Variants in CLCNKA observed in about 807,000 individuals in gnomAD.
CLCNKA encodes the protein chloride channel protein ClC-Ka.
A neutral mutation model predicts 83.3 loss-of-function variants in CLCNKA; 66 were observed. That is an observed-to-expected ratio of 0.79 (90% confidence interval 0.65 to 0.97). The LOEUF is 0.97. Among genes scored for constraint, CLCNKA ranks in the 50% least tolerant of loss-of-function variants. The pLI is 0.00. For synonymous variants in CLCNKA, 357 were observed against 370.4 expected (o/e 0.96, Z 0.42); for missense variants, 806 against 888.7 (o/e 0.91, Z 1.18).
intron 14 of CLCNKA, 60 bp from the exon 15 acceptor site, chr1:16,030,400 TC>T (rs1264378896): frequency 1.3e-6 from 2 of 1,594,234 alleles, no homozygotes; most frequent in Non-Finnish European, 1.7e-6. Flanking sequence ...AGTTATTCCC[TC>T]ACATCAGGCT....
intron 12 of CLCNKA, 36 bp from the exon 13 acceptor site, chr1:16,029,695 C>T (rs780713062): frequency 2.0e-5 from 32 of 1,612,586 alleles, no homozygotes; most frequent in Non-Finnish European, 2.7e-5. Flanking sequence ...TGCCCAGCGG[C>T]CTCTAACCTC....
chr1:16,029,062 G>C (rs1309605331), intron 11 of CLCNKA, 64 bp from the exon 12 acceptor site: 1 of 1,583,794 alleles, frequency 6.3e-7, no homozygotes, highest in African/African-American at 1.4e-5. Flanking sequence ...GGCGGTGCGG[G>C]GGAGGCTGGG....
chr1:16,030,709 G>A, intron 15 of CLCNKA, 35 bp downstream of exon 15: 1 of 1,612,086 alleles, frequency 6.2e-7, no homozygotes, highest in Non-Finnish European at 8.5e-7. Context: ...ACTGAAGGGG[G>A]TCACAGTGTT....
intron 17 of CLCNKA, 53 bp downstream of exon 17, chr1:16,032,344 G>A: frequency 6.6e-7 from 1 of 1,517,994 alleles, no homozygotes; most frequent in Non-Finnish European, 9.1e-7. Flanking sequence ...CAGCAGGGAT[G>A]GGAGGGGAGG....
intron 11 of CLCNKA, 130 bp from the exon 12 acceptor site, chr1:16,028,996 G>A (rs933994368): frequency 6.6e-7 from 1 of 1,516,082 alleles, no homozygotes. Flanking sequence ...GGAGGTCAGA[G>A]CCCTGCCCAA....
chr1:16,022,635 G>A lies in CLCNKA; in HGVS notation c.16G>A (p.Gly6Arg). The A allele has an allele frequency of 6.4e-7, 1 of 1,567,356 alleles. No individual in the cohort carries two copies. Among genetic ancestry groups the A allele is most frequent in the Non-Finnish European group, 8.7e-7 (1 of 1,155,706 alleles). The change falls in exon 2 of 20, where the codon GGG (glycine) becomes AGG (arginine). Residue 6 changes from glycine to arginine, a missense_variant. Gly to Arg is a moderately radical substitution (Grantham distance 125). Transcript: ENST00000331433. ...CAGGGGCCTGATGGAGGAGTTGGTGGGGCTGCGTGAGGGCTTCTCAGGGGA... is the reference window on the plus strand; with the variant it reads ...CAGGGGCCTGATGGAGGAGTTGGTGAGGCTGCGTGAGGGCTTCTCAGGGGA... MEELV[G>R]LREGFSGDPV...
At chr1:16,028,457 A>G (rs2022473351) in intron 10 of CLCNKA, 2 of 612,558 alleles carry the variant, frequency 3.3e-6, no homozygotes, top group Non-Finnish European at 5.9e-6. Flanking sequence ...GGAGATGCAC[A>G]TGGCCCGCCC....
In CLCNKA at chr1:16,023,793, G is replaced by A. The variant is rs543010882; in HGVS notation, c.101-7G>A. On this transcript the variant is annotated splice_polypyrimidine_tract_variant and splice_region_variant and intron_variant, in intron 2 of 19. Coordinates refer to ENST00000331433, the MANE Select transcript of CLCNKA (RefSeq NM_004070.4). ...ACATAAGCTGGGACTCCGATACCCT[G>A]CCCCAGGTGGCCTGGAGTGGCTAAA... 3.1e-6 allele frequency: 5 copies of A among 1,613,958 alleles called. No individual in the cohort carries two copies. The African/African-American group carries it at 6.7e-5, about 22-fold the overall frequency.
chr1:16,029,068 C>G, intron 11 of CLCNKA, 58 bp from the exon 12 acceptor site: 1 of 1,588,712 alleles, frequency 6.3e-7, no homozygotes, highest in African/African-American at 1.4e-5. Flanking sequence ...GCGGGGGAGG[C>G]TGGGGTCTGC....
intron 8 of CLCNKA, 26 bp downstream of exon 8, chr1:16,027,461 T>C: frequency 6.2e-7 from 1 of 1,612,378 alleles, no homozygotes; most frequent in Non-Finnish European, 8.5e-7. Flanking sequence ...TGCCTGACCC[T>C]GGCCCTGCCT....
At position 16,024,878 on chromosome 1, in the gene CLCNKA, G is replaced by A. The variant is rs150428024; in HGVS notation, c.345G>A (p.Thr115=). The A allele has an allele frequency of 5.3e-5, 86 of 1,614,054 alleles. 1 individual carries two copies. The East Asian group carries it at 6.7e-4, about 13-fold the overall frequency. Residue 115 remains threonine (T), a synonymous_variant, in exon 4 of 20, where the codon ACG becomes ACA. Transcript: ENST00000331433. Reference sequence around the variant, plus strand: ...CCTCAGGCTTCTCCCAGAGCATCACGCCCTCCTCTGGAGGTGAGTCCACGG... The same window carrying A: ...CCTCAGGCTTCTCCCAGAGCATCACACCCTCCTCTGGAGGTGAGTCCACGG... ...SFSSGFSQSI[T]PSSGGSGIPE...
chr1:16,031,311 A>G (rs1239264409), intron 15 of CLCNKA, among the ~76,000 whole-genome samples: 1 of 152,182 alleles, frequency 6.6e-6, no homozygotes, highest in East Asian at 1.9e-4. Flanking sequence ...ATACACTTTT[A>G]TAATCAAATG....
At chr1:16,029,914 C>T (rs1446144518) in intron 13 of CLCNKA, 51 bp from the exon 14 acceptor site, 1 of 1,597,026 alleles carries the variant, frequency 6.3e-7, no homozygotes, top group Non-Finnish European at 8.6e-7. Context: ...GGATGGAGGG[C>T]TGTGGGGGCC....
chr1:16,031,610 G>T (rs939137820), intron 15 of CLCNKA, 100 bp from the exon 16 acceptor site: 1 of 1,548,654 alleles, frequency 6.5e-7, no homozygotes, highest in Non-Finnish European at 8.8e-7. Flanking sequence ...CTCCAGAGCC[G>T]TGGGTCCCTG....
Position 16,033,238 on chromosome 1 carries a change from C to T in CLCNKA, c.1998C>T (p.Gly666=), listed in dbSNP as rs2022708752. The change falls in exon 19 of 20, where the codon GGC becomes GGT. Residue 666 remains glycine (G), a synonymous_variant. Transcript: ENST00000331433. Reference sequence around the variant, plus strand: ...TGACATCGCGGGGCAGAGCTGTGGGCTGCGTGTCCTGGGTGGAGGTACCAG... The same window carrying T: ...TGACATCGCGGGGCAGAGCTGTGGGTTGCGTGTCCTGGGTGGAGGTACCAG... ...LFVTSRGRAV[G]CVSWVEMKKA... 1 of 1,613,954 alleles carries T rather than the reference C, an allele frequency of 6.2e-7. No homozygotes were observed. The highest frequency in any genetic ancestry group is 1.1e-5 in the South Asian group (1 of 91,088).
intron 8 of CLCNKA, 91 bp downstream of exon 8, chr1:16,027,526 CCCTTCCCTCTCTCTCCCT>C (rs1453910633): frequency 3.2e-6 from 5 of 1,567,414 alleles, no homozygotes; most frequent in Non-Finnish European, 4.3e-6. Flanking sequence ...TCTTGCTCTT[CCCTTCCCTCTCTCTCCCT>C]CTTTTCCCTC....
At chr1:16,027,482 G>A in intron 8 of CLCNKA, 47 bp downstream of exon 8, 1 of 1,609,166 alleles carries the variant, frequency 6.2e-7, no homozygotes, top group Non-Finnish European at 8.5e-7. Flanking sequence ...GGGGGCCGGG[G>A]CGAGGGAGAC....
intron 3 of CLCNKA, among the ~76,000 whole-genome samples, 192 bp downstream of exon 3, chr1:16,024,120 G>A (rs1462069911): frequency 2.0e-5 from 3 of 152,208 alleles, no homozygotes; most frequent in East Asian, 1.9e-4. Context: ...CTCCTCAGCC[G>A]CACAAGGAAG....
chr1:16,032,618 C>G (rs562112611), intron 18 of CLCNKA, 92 bp downstream of exon 18: 5 of 963,072 alleles, frequency 5.2e-6, no homozygotes, highest in Non-Finnish European at 8.4e-6. Flanking sequence ...GTCCCAACCC[C>G]GCCCCGCCCA....
Sources: gnomAD v4.1 joint callset for allele counts (sites outside exome capture counted in the v4.1 genomes callset) on GRCh38, gnomAD v4.1.1 for gene constraint, MANE v1.5 for transcripts, NCBI Gene and HGNC (gene_info 2026-07-23, HGNC 2026-07-21) for gene names.